PHACTR1: variants seen among roughly 807,000 people sequenced by gnomAD.
PHACTR1 encodes the protein RPEL repeat containing 1.
PHACTR1 carries 16 observed loss-of-function variants against 69.2 expected under a neutral mutation model. The ratio of observed to expected loss-of-function variants is 0.23; its 90% confidence interval spans 0.16 to 0.35. PHACTR1 has a LOEUF of 0.35. Among genes scored for constraint, PHACTR1 ranks in the 10% least tolerant of loss-of-function variants. The pLI is 1.00. For synonymous variants in PHACTR1, 312 were observed against 284.5 expected, an observed-to-expected ratio of 1.10 and a Z score of -0.97; for missense variants, 510 against 734.7, an observed-to-expected ratio of 0.69 and a Z score of 3.54.
At chr6:13,031,564 T>G (rs1392543376) in intron 4 of PHACTR1, among the ~76,000 whole-genome samples, 1 of 152,204 alleles carries the variant, frequency 6.6e-6, no homozygotes, top group Non-Finnish European at 1.5e-5. Flanking sequence ...GGTCATTGAT[T>G]GTTTTTAGTA....
chr6:12,916,037 G>GTAA (rs1166334284), intron 4 of PHACTR1, among the ~76,000 whole-genome samples: 10 of 152,196 alleles, frequency 6.6e-5, no homozygotes, highest in African/African-American at 2.4e-4. Flanking sequence ...GGAGAAAAGG[G>GTAA]TAATACATGG....
chr6:12,917,873 G>A (rs928796397), intron 4 of PHACTR1, among the ~76,000 whole-genome samples: 9 of 152,172 alleles, frequency 5.9e-5, no homozygotes, highest in South Asian at 2.1e-4. Context: ...CTCAGAACTC[G>A]GGAATTTAGG....
intron 14 of PHACTR1, among the ~76,000 whole-genome samples, chr6:13,286,711 C>T (rs1781756662): frequency 6.6e-6 from 1 of 152,234 alleles, no homozygotes; most frequent in Non-Finnish European, 1.5e-5. Flanking sequence ...TATAAGGTTG[C>T]ATTGCTAGTT....
intron 4 of PHACTR1, among the ~76,000 whole-genome samples, chr6:13,045,461 T>C (rs1439968382): frequency 2.6e-5 from 4 of 152,150 alleles, no homozygotes; most frequent in Non-Finnish European, 4.4e-5. Flanking sequence ...TCCCCCCTCC[T>C]TTTAGGAGGA....
intron 4 of PHACTR1, among the ~76,000 whole-genome samples, chr6:13,006,803 T>C (rs1335549764): frequency 7.2e-5 from 11 of 152,186 alleles, no homozygotes; most frequent in Non-Finnish European, 1.5e-4. Context: ...CTGTGGGTCG[T>C]TAGATAAGCT....
intron 4 of PHACTR1, among the ~76,000 whole-genome samples, chr6:12,849,132 A>G (rs748936134): frequency 3.9e-5 from 6 of 152,186 alleles, no homozygotes; most frequent in Non-Finnish European, 5.9e-5. Context: ...GTGTGGCAAG[A>G]GTTAGATGCT....
At chr6:12,952,007 C>T (rs1249999238) in intron 4 of PHACTR1, among the ~76,000 whole-genome samples, 1 of 152,156 alleles carries the variant, frequency 6.6e-6, no homozygotes, top group Non-Finnish European at 1.5e-5. Flanking sequence ...GTGCATTGCA[C>T]TCGAGCCAGT....
In PHACTR1 at chr6:13,220,516, G is replaced by A. The variant is rs77429896; in HGVS notation, c.987-7300G>A. The stretch of plus-strand genomic sequence containing the variant: ...CAGTCTGAATTAAAGTGGGCTGACG[G>A]CCTGTGAGTATAGAATTGGAAACTG... On this transcript the variant is annotated intron_variant, in intron 8 of 14. Coordinates refer to ENST00000332995, the MANE Select transcript of PHACTR1 (RefSeq NM_030948.6). Among the ~76,000 whole-genome samples the A allele has an allele frequency of 2.6e-4, 39 of 152,312 alleles. No individual in the cohort carries two copies. In the East Asian group the frequency reaches 6.8e-3, roughly 26 times the overall value.
intron 5 of PHACTR1, among the ~76,000 whole-genome samples, chr6:13,088,538 A>G (rs1277892004): frequency 6.6e-6 from 1 of 152,076 alleles, no homozygotes; most frequent in Non-Finnish European, 1.5e-5. Context: ...TAATGACTAT[A>G]TTTCAGGCAT....
rs565575937 is a variant in PHACTR1 at position 12,955,468 on chromosome 6, G to A, written c.251-97897G>A. Among the ~76,000 whole-genome samples, 537 of 152,186 alleles carry A rather than the reference G, an allele frequency of 3.5e-3. 1 individual carries two copies. Among genetic ancestry groups the A allele is most frequent in the Non-Finnish European group, 5.9e-3 (404 of 68,006 alleles). On this transcript the variant is annotated intron_variant, in intron 4 of 14. Transcript: ENST00000332995. ...GGCCTCCCAAAGCACTGGGATTACA[G>A]GATTGAGCCACCATGCCTGGCCCCA...
chr6:13,029,311 G>T (rs999411131), intron 4 of PHACTR1, among the ~76,000 whole-genome samples: 1 of 152,202 alleles, frequency 6.6e-6, no homozygotes, highest in Non-Finnish European at 1.5e-5. Flanking sequence ...TAAAGTAACG[G>T]CAGAGTCTTC....
At position 13,082,262 on chromosome 6, in the gene PHACTR1, G is replaced by A. The variant is rs573997847; in HGVS notation, c.415+28733G>A. 2.0e-5 allele frequency among the ~76,000 whole-genome samples: 3 copies of A among 152,150 alleles called. No individual in the cohort carries two copies. In the South Asian group the frequency reaches 6.2e-4, roughly 32 times the overall value. On this transcript the variant is annotated intron_variant, in intron 5 of 14. Coordinates refer to ENST00000332995, the MANE Select transcript of PHACTR1 (RefSeq NM_030948.6). ...ACTGAGTCACCAATGGCTCCAATGG[G>A]TATCACTTTGCTTAAAGTCAACACA... is the stretch of plus-strand genomic sequence containing the variant.
chr6:12,927,434 TA>T (rs35966773), intron 4 of PHACTR1, among the ~76,000 whole-genome samples: 28,498 of 152,072 alleles, frequency 0.19, 5,580 homozygotes, highest in African/African-American at 0.5. Context: ...GTATAAGCAT[TA>T]AAAAAATCTC....
intron 7 of PHACTR1, among the ~76,000 whole-genome samples, chr6:13,186,764 C>G (rs1390016910): frequency 6.6e-6 from 1 of 152,202 alleles, no homozygotes; most frequent in East Asian, 1.9e-4. Context: ...GACCATTTTT[C>G]CACAGACCGG....
At chr6:13,148,958 C>T (rs1455273645) in intron 5 of PHACTR1, among the ~76,000 whole-genome samples, 1 of 152,168 alleles carries the variant, frequency 6.6e-6, no homozygotes, top group African/African-American at 2.4e-5. Context: ...GGTAGGTAGA[C>T]GGTTGGTCAT....
At chr6:12,858,742 G>C (rs868256402) in intron 4 of PHACTR1, among the ~76,000 whole-genome samples, 3 of 152,000 alleles carry the variant, frequency 2.0e-5, no homozygotes, top group African/African-American at 7.3e-5. Flanking sequence ...TATGCAGTGA[G>C]TTATGATCAT....
At chr6:12,893,442 C>T (rs1446452128) in intron 4 of PHACTR1, among the ~76,000 whole-genome samples, 2 of 152,208 alleles carry the variant, frequency 1.3e-5, no homozygotes, top group African/African-American at 4.8e-5. Context: ...TGCTTTCATT[C>T]ATAAACTGGA....
At chr6:12,764,108 C>T (rs539207580) in intron 4 of PHACTR1, among the ~76,000 whole-genome samples, 26 of 152,052 alleles carry the variant, frequency 1.7e-4, no homozygotes, top group Non-Finnish European at 3.2e-4. Context: ...CAGAAGGGGA[C>T]CAAGTAGAGA....
At chr6:12,837,629 C>G (rs1247284149) in intron 4 of PHACTR1, among the ~76,000 whole-genome samples, 3 of 151,492 alleles carry the variant, frequency 2.0e-5, no homozygotes, top group Non-Finnish European at 3.0e-5. Flanking sequence ...ACAAAAATCT[C>G]TTTTTCTCTA....
Sources: allele counts gnomAD v4.1 joint callset (sites outside exome capture counted in the v4.1 genomes callset), GRCh38; gene constraint gnomAD v4.1.1; transcripts MANE v1.5; gene names NCBI Gene and HGNC (gene_info 2026-07-23, HGNC 2026-07-21).